Variants in LRRC4C observed in about 807,000 individuals in gnomAD.
LRRC4C encodes leucine rich repeat containing 4C, also known as leucine-rich repeat-containing protein 4C.
A neutral mutation model predicts 33.6 loss-of-function variants in LRRC4C; 5 were observed. That is an observed-to-expected ratio of 0.15 (90% CI 0.08 to 0.31). The LOEUF (loss-of-function observed/expected upper bound fraction) is 0.31, where lower values mean the gene tolerates loss of function less well. Ranked by LOEUF, LRRC4C falls within the 10% of genes least tolerant of loss-of-function variation. The pLI is 1.00. For missense variants in LRRC4C, 560 were observed against 796.7 expected (o/e 0.70, Z 3.58); for synonymous variants, 329 against 302.0 (o/e 1.09, Z -0.93).
At chr11:40,179,010 CT>C (rs5791361) in intron 5 of LRRC4C, among the ~76,000 whole-genome samples, 123,981 of 141,278 alleles carry the variant, frequency 0.88, 54,957 homozygotes, top group Middle Eastern at 0.96. Flanking sequence ...AACTTTCTTT[CT>C]TTTTTTTTTT....
chr11:41,039,425 G>T (rs1857286297), intron 1 of LRRC4C, among the ~76,000 whole-genome samples: 1 of 152,070 alleles, frequency 6.6e-6, no homozygotes, highest in African/African-American at 2.4e-5. Context: ...ACAGAGCGAG[G>T]CCTAAGATTT....
chr11:40,616,032 G>T (rs1021474023), intron 3 of LRRC4C, among the ~76,000 whole-genome samples: 1 of 151,804 alleles, frequency 6.6e-6, no homozygotes, highest in Admixed American at 6.6e-5. Flanking sequence ...TCAGGATCCG[G>T]AATCTACAAT....
At chr11:41,069,104 G>A (rs999155417) in intron 1 of LRRC4C, among the ~76,000 whole-genome samples, 2 of 152,124 alleles carry the variant, frequency 1.3e-5, no homozygotes, top group African/African-American at 2.4e-5. Context: ...GGGATGCAAG[G>A]CTGATTCAAC....
At chr11:40,819,483 T>A (rs1951836363) in intron 2 of LRRC4C, among the ~76,000 whole-genome samples, 1 of 152,164 alleles carries the variant, frequency 6.6e-6, no homozygotes, top group African/African-American at 2.4e-5. Context: ...TTGTAGTTGA[T>A]GTTGGCAGCA....
chr11:40,899,033 T>C (rs372249470), intron 2 of LRRC4C, among the ~76,000 whole-genome samples: 11 of 152,248 alleles, frequency 7.2e-5, no homozygotes, highest in African/African-American at 2.6e-4. Context: ...CATGGTTTAC[T>C]GTATTTAATC....
At chr11:40,926,632 C>T (rs1957415904) in intron 2 of LRRC4C, among the ~76,000 whole-genome samples, 1 of 152,108 alleles carries the variant, frequency 6.6e-6, no homozygotes, top group East Asian at 1.9e-4. Context: ...TAGGCATATT[C>T]ATCCACCACT....
At chr11:41,426,361 G>A (rs563681614) in intron 1 of LRRC4C, 55 of 152,236 alleles carry the variant, frequency 3.6e-4, no homozygotes, top group African/African-American at 1.3e-3. Context: ...TTACCTCCTT[G>A]CTGATTTCTG....
At chr11:40,943,463 G>A (rs1592148975) in intron 1 of LRRC4C, among the ~76,000 whole-genome samples, 1 of 152,128 alleles carries the variant, frequency 6.6e-6, no homozygotes, top group African/African-American at 2.4e-5. Context: ...GCAATTCTAG[G>A]AACTCACTTG....
chr11:41,395,048 C>G (rs930639255), intron 1 of LRRC4C, among the ~76,000 whole-genome samples: 1 of 151,902 alleles, frequency 6.6e-6, no homozygotes, highest in African/African-American at 2.4e-5. Context: ...CTGTTTGGCT[C>G]TACTAAACGT....
intron 3 of LRRC4C, among the ~76,000 whole-genome samples, chr11:40,374,388 G>A (rs191600104): frequency 5.9e-5 from 9 of 152,248 alleles, no homozygotes; most frequent in Admixed American, 5.9e-4. Flanking sequence ...AGAGATGCAT[G>A]AAAAATACTT....
chr11:41,137,329 T>C (rs571241991), intron 1 of LRRC4C, among the ~76,000 whole-genome samples: 3 of 152,164 alleles, frequency 2.0e-5, no homozygotes, highest in African/African-American at 7.2e-5. Flanking sequence ...ATCCCTCCCT[T>C]AAAAGATTCT....
intron 2 of LRRC4C, among the ~76,000 whole-genome samples, chr11:40,762,214 C>T (rs373894250): frequency 7.2e-5 from 11 of 152,132 alleles, no homozygotes; most frequent in African/African-American, 1.9e-4. Flanking sequence ...ATGTAACACT[C>T]ATGTTGCATG....
intron 1 of LRRC4C, among the ~76,000 whole-genome samples, chr11:40,969,082 T>C (rs1768238425): frequency 6.6e-6 from 1 of 152,150 alleles, no homozygotes; most frequent in Admixed American, 6.6e-5. Context: ...GAGGTCAAAA[T>C]ATCAACATTA....
intron 3 of LRRC4C, among the ~76,000 whole-genome samples, chr11:40,402,982 T>C (rs1949818428): frequency 6.6e-6 from 1 of 152,150 alleles, no homozygotes; most frequent in South Asian, 2.1e-4. Flanking sequence ...ATAATTAATC[T>C]ATTCCTCAGT....
intron 1 of LRRC4C, among the ~76,000 whole-genome samples, chr11:41,203,664 T>C (rs778065580): frequency 1.3e-5 from 2 of 152,218 alleles, no homozygotes; most frequent in African/African-American, 2.4e-5. Context: ...GTGGGTTACC[T>C]TGAACACCAC....
chr11:41,089,308 A>T (rs1382475085), intron 1 of LRRC4C, among the ~76,000 whole-genome samples: 2 of 152,018 alleles, frequency 1.3e-5, no homozygotes, highest in African/African-American at 4.8e-5. Flanking sequence ...TCGGTAGTCT[A>T]GAGTAAACAA....
chr11:40,579,803 C>T (rs1335683231), intron 3 of LRRC4C, among the ~76,000 whole-genome samples: 1 of 152,160 alleles, frequency 6.6e-6, no homozygotes, highest in African/African-American at 2.4e-5. Flanking sequence ...TCTTCTACTT[C>T]ATTTATTTAT....
chr11:40,581,775 C>T (rs1958478030), intron 3 of LRRC4C, among the ~76,000 whole-genome samples: 1 of 152,060 alleles, frequency 6.6e-6, no homozygotes, highest in Admixed American at 6.5e-5. Flanking sequence ...TGGTGGCACC[C>T]ACCTGTAATC....
intron 1 of LRRC4C, among the ~76,000 whole-genome samples, chr11:41,250,397 A>G (rs1262923872): frequency 6.6e-6 from 1 of 152,234 alleles, no homozygotes; most frequent in Non-Finnish European, 1.5e-5. Context: ...ATCTCAGCAG[A>G]GAGAAGAGTT....
Sources: allele counts gnomAD v4.1 joint callset (sites outside exome capture counted in the v4.1 genomes callset), GRCh38; gene constraint gnomAD v4.1.1; transcripts MANE v1.5; gene names NCBI Gene and HGNC (gene_info 2026-07-23, HGNC 2026-07-21).